Variants in DDX60L observed in about 807,000 individuals in gnomAD.
The protein encoded by DDX60L is DExD/H-box 60 like.
Under a neutral mutation model 211.6 loss-of-function variants are expected in DDX60L, and 191 were observed. That is an observed-to-expected ratio of 0.90 (90% CI 0.80 to 1.02). The LOEUF (loss-of-function observed/expected upper bound fraction) is 1.02. Among genes scored for constraint, DDX60L ranks in the 50% least tolerant of loss-of-function variants. The pLI, the probability that DDX60L is intolerant of heterozygous loss-of-function variation, is 0.00. For missense variants in DDX60L, 2,007 were observed against 1,984.1 expected (o/e 1.01, Z -0.22); for synonymous variants, 706 against 694.1 (o/e 1.02, Z -0.27).
Position 168,358,295 on chromosome 4 carries a change from T to C in DDX60L, c.4992-19A>G. The C allele has an allele frequency of 6.9e-7, 1 of 1,451,834 alleles. No individual in the cohort carries two copies. Among genetic ancestry groups the C allele is most frequent in the Admixed American group, 3.1e-5 (1 of 32,212 alleles). The allele number at this position is 1,451,834 out of a possible 1,614,324, so 89.9% of individuals were successfully genotyped here. ...GGAGTCACTGTATAAATGATAATAATAATAAAAAAATAATGAGCCCACATT... is the reference window on the plus strand; with the variant it reads ...GGAGTCACTGTATAAATGATAATAACAATAAAAAAATAATGAGCCCACATT... On this transcript the variant is annotated intron_variant, in intron 37 of 37. Transcript: ENST00000682922.
intron 6 of DDX60L, 131 bp from the exon 7 acceptor site, chr4:168,456,283 A>G: frequency 2.2e-6 from 1 of 450,936 alleles, no homozygotes; most frequent in South Asian, 5.5e-5. Context: ...TCAAATGTTT[A>G]GTTTAAAAAT....
intron 36 of DDX60L, among the ~76,000 whole-genome samples, chr4:168,366,093 C>T (rs763378129): frequency 7.9e-5 from 12 of 151,918 alleles, no homozygotes; most frequent in Non-Finnish European, 1.6e-4. Context: ...ACAAGGATGC[C>T]GACTTTCACC....
At chr4:168,384,881 T>C (rs1743587802) in intron 29 of DDX60L, 69 bp from the exon 30 acceptor site, 3 of 1,437,292 alleles carry the variant, frequency 2.1e-6, no homozygotes, top group Non-Finnish European at 1.9e-6. Flanking sequence ...CAAAGATTTA[T>C]GACTTTACAC....
Position 168,365,991 on chromosome 4 carries a change from CTT to C in DDX60L, c.4929-4782_4929-4781del, listed in dbSNP as rs1579170931. Among the ~76,000 whole-genome samples, 6 of 152,064 alleles carry C rather than the reference CTT, an allele frequency of 3.9e-5. 1 individual carries two copies. The highest frequency in any genetic ancestry group is 3.9e-4 in the Admixed American group (6 of 15,254). ...AAAACATCCCTTCATAATAAAAACT[CTT>C]AACAAATTAGGTATAGAAGATATGT... is the stretch of plus-strand genomic sequence containing the variant. On this transcript the variant is annotated intron_variant, in intron 36 of 37. Transcript: ENST00000682922.
intron 29 of DDX60L, among the ~76,000 whole-genome samples, chr4:168,391,271 T>C (rs1384423290): frequency 1.3e-5 from 2 of 152,188 alleles, no homozygotes; most frequent in African/African-American, 4.8e-5. Context: ...AGCTGTACAT[T>C]TCTCAAGAAA....
chr4:168,381,295 A>G (rs1560953026), intron 30 of DDX60L, among the ~76,000 whole-genome samples: 1 of 152,072 alleles, frequency 6.6e-6, no homozygotes, highest in Non-Finnish European at 1.5e-5. Flanking sequence ...CATTTCAGAG[A>G]CCTTTGCAGC....
At chr4:168,416,060 G>A (rs1011233067) in intron 20 of DDX60L, among the ~76,000 whole-genome samples, 1 of 152,118 alleles carries the variant, frequency 6.6e-6, no homozygotes, top group Non-Finnish European at 1.5e-5. Context: ...ATGAGTTAGC[G>A]TGCCTGCCAC....
At chr4:168,454,993 T>C (rs2465260) in intron 7 of DDX60L, among the ~76,000 whole-genome samples, 1 of 151,738 alleles carries the variant, frequency 6.6e-6, no homozygotes, top group African/African-American at 2.4e-5. Flanking sequence ...GTATGATCAG[T>C]GGGGGTAGAT....
chr4:168,416,965 T>C (rs1244145228), intron 19 of DDX60L, among the ~76,000 whole-genome samples, 168 bp from the exon 20 acceptor site: 2 of 152,196 alleles, frequency 1.3e-5, no homozygotes, highest in Admixed American at 6.5e-5. Flanking sequence ...CTTAACTGTC[T>C]CCAATCTCCA....
At chr4:168,389,293 A>G (rs1203973403) in intron 29 of DDX60L, among the ~76,000 whole-genome samples, 1 of 152,226 alleles carries the variant, frequency 6.6e-6, no homozygotes. Flanking sequence ...GGAATATATA[A>G]ATGAGTATAT....
At chr4:168,469,641 G>A (rs13151546) in intron 4 of DDX60L, 43,440 of 152,138 alleles carry the variant, frequency 0.29, 7,882 homozygotes, top group East Asian at 0.62. Context: ...CACTTTGGGA[G>A]GCAGAGGCGG....
intron 1 of DDX60L, among the ~76,000 whole-genome samples, chr4:168,477,094 T>A (rs925580272): frequency 1.3e-5 from 2 of 152,200 alleles, no homozygotes; most frequent in African/African-American, 4.8e-5. Flanking sequence ...AAGTTAGCAT[T>A]CCCTTACTGC....
At chr4:168,428,032 G>A (rs1399209005) in intron 13 of DDX60L, among the ~76,000 whole-genome samples, 1 of 152,242 alleles carries the variant, frequency 6.6e-6, no homozygotes, top group Non-Finnish European at 1.5e-5. Flanking sequence ...CCAGGAGCCA[G>A]CCTTGGGCAC....
chr4:168,364,655 A>G (rs1739660618), intron 36 of DDX60L, among the ~76,000 whole-genome samples: 1 of 152,188 alleles, frequency 6.6e-6, no homozygotes, highest in Admixed American at 6.5e-5. Flanking sequence ...TGCTGGGATT[A>G]CAGGTGTGGG....
At chr4:168,447,511 A>G (rs1755000279) in intron 9 of DDX60L, among the ~76,000 whole-genome samples, 1 of 152,114 alleles carries the variant, frequency 6.6e-6, no homozygotes, top group South Asian at 2.1e-4. Context: ...ATACCATTTG[A>G]CCCAGCCATC....
intron 27 of DDX60L, among the ~76,000 whole-genome samples, chr4:168,395,251 C>T (rs189635000): frequency 3.3e-5 from 5 of 152,240 alleles, no homozygotes; most frequent in Admixed American, 2.6e-4. Flanking sequence ...TACTATGAAG[C>T]TATTAAAATA....
chr4:168,468,706 T>G (rs1273280817), intron 4 of DDX60L: 1 of 152,154 alleles, frequency 6.6e-6, no homozygotes, highest in Non-Finnish European at 1.5e-5. Context: ...ATTTATTCAC[T>G]GAAGACATTA....
intron 29 of DDX60L, chr4:168,390,639 G>GGT: frequency 4.5e-6 from 2 of 447,928 alleles, no homozygotes; most frequent in East Asian, 8.6e-5. Context: ...ATTATTGTCA[G>GGT]TTTTTTTTTT....
chr4:168,371,812 A>G, intron 35 of DDX60L, 49 bp from the exon 36 acceptor site: 1 of 1,478,510 alleles, frequency 6.8e-7, no homozygotes, highest in Non-Finnish European at 9.2e-7. Flanking sequence ...GTAAAGAGTA[A>G]CTGTTTGCAG....
Sources: allele counts gnomAD v4.1 joint callset (sites outside exome capture counted in the v4.1 genomes callset), GRCh38; gene constraint gnomAD v4.1.1; transcripts MANE v1.5; gene names NCBI Gene and HGNC (gene_info 2026-07-23, HGNC 2026-07-21).